ZMIZ1: variants seen among roughly 807,000 people sequenced by gnomAD.
The protein encoded by ZMIZ1 is zinc finger MIZ-type containing 1, also known as zinc finger MIZ domain-containing protein 1.
In ZMIZ1, 17 loss-of-function variants were observed where a neutral mutation model predicts 113.9. The observed-to-expected ratio is 0.15, with a 90% CI of 0.10 to 0.22. The LOEUF is 0.22. Among genes scored for constraint, ZMIZ1 ranks in the 10% least tolerant of loss-of-function variants. The probability of loss-of-function intolerance (pLI) is 1.00; values close to 1 mark genes in which losing one functional copy is unlikely to be tolerated. For missense variants in ZMIZ1, 1,059 were observed against 1,477.8 expected, an observed-to-expected ratio of 0.72 and a Z score of 4.65; for synonymous variants, 607 against 603.1, an observed-to-expected ratio of 1.01 and a Z score of -0.09.
chr10:79,091,593 G>A (rs573731257), intron 1 of ZMIZ1, among the ~76,000 whole-genome samples: 58 of 152,318 alleles, frequency 3.8e-4, no homozygotes, highest in African/African-American at 1.3e-3. Flanking sequence ...GCCTCCTGGA[G>A]GAGGGGGCAT....
At chr10:79,164,175 A>G (rs545437750) in intron 4 of ZMIZ1, among the ~76,000 whole-genome samples, 1 of 152,328 alleles carries the variant, frequency 6.6e-6, no homozygotes, top group East Asian at 1.9e-4. Context: ...CCTTCTTCCC[A>G]GGGCTGGCCC....
chr10:79,305,433 G>A, intron 20 of ZMIZ1, 100 bp from the exon 21 acceptor site: 2 of 1,388,692 alleles, frequency 1.4e-6, no homozygotes, highest in Non-Finnish European at 2.0e-6. Context: ...GTAGTAACCA[G>A]CAGCAGGGGT....
At chr10:79,230,196 C>T (rs548076422) in intron 7 of ZMIZ1, among the ~76,000 whole-genome samples, 9 of 152,068 alleles carry the variant, frequency 5.9e-5, no homozygotes, top group South Asian at 2.1e-4. Flanking sequence ...TCACTCTCCC[C>T]GTCTCCTTTC....
Position 79,314,054 on chromosome 10 carries a change from G to GCTGCCAGCCTACCCTGC in ZMIZ1, c.*1310_*1326dup, listed in dbSNP as rs1855378723. 2.2e-6 allele frequency: 1 copy of GCTGCCAGCCTACCCTGC among 456,730 alleles called. No individual in the cohort carries two copies. Among genetic ancestry groups the GCTGCCAGCCTACCCTGC allele is most frequent in the Admixed American group, 2.3e-5 (1 of 42,574 alleles). The allele number at this position is 456,730 out of a possible 1,614,324, so 28.3% of individuals were successfully genotyped here. The stretch of plus-strand genomic sequence containing the variant: ...GGGCCTGCCCCAGACACTGCCCTTG[G>GCTGCCAGCCTACCCTGC]CTGCCAGCCTACCCTGCCTGCACTC... On this transcript the variant is annotated 3_prime_UTR_variant, in exon 25 of 25. Transcript: ENST00000334512.
intron 6 of ZMIZ1, among the ~76,000 whole-genome samples, chr10:79,209,148 G>C (rs1020562182): frequency 6.6e-6 from 1 of 152,034 alleles, no homozygotes; most frequent in Non-Finnish European, 1.5e-5. Flanking sequence ...CTGCAAAGCA[G>C]CAGAGGGGCA....
chr10:79,168,694 C>T (rs963598819), intron 4 of ZMIZ1, among the ~76,000 whole-genome samples: 2 of 152,182 alleles, frequency 1.3e-5, no homozygotes, highest in African/African-American at 4.8e-5. Context: ...CATCGTGTGG[C>T]GCATGGTCAC....
chr10:79,296,369 C>G lies in ZMIZ1; in HGVS notation c.1231-102C>G. The G allele has an allele frequency of 7.8e-7, 1 of 1,285,148 alleles. No individual in the cohort carries two copies. The highest frequency in any genetic ancestry group is 1.1e-6 in the Non-Finnish European group (1 of 898,236). The allele number at this position is 1,285,148 out of a possible 1,614,324, so 79.6% of individuals were successfully genotyped here. A position where few individuals can be genotyped will look rare whatever the true frequency, so the allele number is the denominator to read the frequency against. On this transcript the variant is annotated intron_variant, in intron 12 of 24. Coordinates refer to ENST00000334512, the MANE Select transcript of ZMIZ1 (RefSeq NM_020338.4). This position sits in a 1 kb window ranked among gnomAD's most constrained non-coding sequence, Gnocchi z 4.1. ...TTTTGTGGGTGGGAAACAGCAGGAG[C>G]AAATGAGGAGAGGCGGGCCCCATCC...
In ZMIZ1 at chr10:79,196,372, C is replaced by G. The variant is rs374241403; in HGVS notation, c.-49-5212C>G. Among the ~76,000 whole-genome samples, 324 of 152,350 alleles carry G rather than the reference C, an allele frequency of 2.1e-3. 2 individuals are homozygous for G. Among genetic ancestry groups the G allele is most frequent in the African/African-American group, 7.3e-3 (305 of 41,576 alleles). ...AGCCCTGCCTGGGAGCAAAGCCCCC[C>G]TGGGACCTGGACCCAGCCCAGTGCC... On this transcript the variant is annotated intron_variant, in intron 4 of 24. Coordinates refer to ENST00000334512, the MANE Select transcript of ZMIZ1 (RefSeq NM_020338.4).
chr10:79,108,311 C>T (rs1205324602), intron 1 of ZMIZ1, among the ~76,000 whole-genome samples: 1 of 152,136 alleles, frequency 6.6e-6, no homozygotes, highest in Non-Finnish European at 1.5e-5. Flanking sequence ...GGTGGTGGGA[C>T]TCATCCGAGG....
intron 1 of ZMIZ1, among the ~76,000 whole-genome samples, chr10:79,071,260 A>T (rs901016775): frequency 6.6e-5 from 10 of 152,218 alleles, no homozygotes; most frequent in African/African-American, 2.4e-4. Flanking sequence ...GCAACCTGGG[A>T]ACCGGGCCTG....
chr10:79,075,946 G>T (rs1332804326), intron 1 of ZMIZ1, among the ~76,000 whole-genome samples: 1 of 152,216 alleles, frequency 6.6e-6, no homozygotes, highest in Non-Finnish European at 1.5e-5. Flanking sequence ...GACTGGCAGG[G>T]AGGATGGGGA....
intron 8 of ZMIZ1, among the ~76,000 whole-genome samples, chr10:79,284,672 G>C (rs1852950089): frequency 6.6e-6 from 1 of 152,178 alleles, no homozygotes; most frequent in Non-Finnish European, 1.5e-5. Flanking sequence ...CCACTTTACA[G>C]ATGAGAAAGT....
In ZMIZ1 at chr10:79,079,639, C is replaced by CGG. The variant is rs35603905; in HGVS notation, c.-337+10375_-337+10376dup. Among the ~76,000 whole-genome samples the CGG allele has an allele frequency of 3.8e-4, 58 of 152,122 alleles. No homozygotes were observed. In the East Asian group the frequency reaches 5.2e-3, roughly 14 times the overall value. ...AGGCCACAGGGCCTGGCACTGGGGC[C>CGG]GGGGGGGTCCAGGGAATGATGAGTG... is the stretch of plus-strand genomic sequence containing the variant. On this transcript the variant is annotated intron_variant, in intron 1 of 24. Coordinates refer to ENST00000334512, the MANE Select transcript of ZMIZ1 (RefSeq NM_020338.4).
chr10:79,142,089 G>A (rs1253933904), intron 3 of ZMIZ1, among the ~76,000 whole-genome samples: 1 of 152,196 alleles, frequency 6.6e-6, no homozygotes, highest in Admixed American at 6.5e-5. Context: ...TTGGGTTTGG[G>A]ACAGGAGCCA....
Position 79,292,323 on chromosome 10 carries a change from G to A in ZMIZ1, c.924G>A (p.Glu308=). ...TATATVAALQ[E]TQNKDINQYG... The stretch of plus-strand genomic sequence containing the variant: ...CGGCCACTGTGGCAGCCCTGCAGGA[G>A]ACACAGAACAAGGATATAAACCAGT... The change falls in exon 11 of 25, where the codon GAG becomes GAA. Residue 308 remains glutamate (E), a synonymous_variant. Coordinates refer to ENST00000334512, the MANE Select transcript of ZMIZ1 (RefSeq NM_020338.4). 1 of 1,613,364 alleles carries A rather than the reference G, an allele frequency of 6.2e-7. No individual in the cohort carries two copies. The highest frequency in any genetic ancestry group is 8.5e-7 in the Non-Finnish European group (1 of 1,179,664).
At chr10:79,215,937 C>T (rs903756144) in intron 6 of ZMIZ1, among the ~76,000 whole-genome samples, 9 of 152,120 alleles carry the variant, frequency 5.9e-5, no homozygotes, top group Non-Finnish European at 1.2e-4. Context: ...TTGGACCCAT[C>T]GTCAGCCTGG....
intron 4 of ZMIZ1, among the ~76,000 whole-genome samples, chr10:79,180,055 G>A (rs1466506511): frequency 6.6e-6 from 1 of 152,244 alleles, no homozygotes; most frequent in African/African-American, 2.4e-5. Flanking sequence ...GGTGCCGAGG[G>A]TGGAGACGGG....
chr10:79,093,077 G>A (rs1843032741), intron 1 of ZMIZ1, among the ~76,000 whole-genome samples: 1 of 151,060 alleles, frequency 6.6e-6, no homozygotes, highest in Non-Finnish European at 1.5e-5. Flanking sequence ...GAGAATGAAT[G>A]AGTGGCAGGT....
In ZMIZ1 at chr10:79,080,259, C is replaced by T. The variant is rs141453165; in HGVS notation, c.-337+10989C>T. ...ATACCTGAGCTCCACAACCTCCCTG[C>T]GCCTCAGATCCTGGGAGAAGAGCAG... On this transcript the variant is annotated intron_variant, in intron 1 of 24. Coordinates refer to ENST00000334512, the MANE Select transcript of ZMIZ1 (RefSeq NM_020338.4). Among the ~76,000 whole-genome samples the T allele has an allele frequency of 1.0e-3, 154 of 150,850 alleles. 1 individual carries two copies. Among genetic ancestry groups the T allele is most frequent in the African/African-American group, 3.5e-3 (144 of 41,032 alleles).
Sources: gnomAD v4.1 joint callset for allele counts (sites outside exome capture counted in the v4.1 genomes callset) on GRCh38, gnomAD v4.1.1 for gene constraint, Gnocchi (gnomAD v3.1) non-coding constraint, MANE v1.5 for transcripts, NCBI Gene and HGNC (gene_info 2026-07-23, HGNC 2026-07-21) for gene names.